LRP12: variants seen among roughly 807,000 people sequenced by gnomAD.
LRP12 encodes low-density lipoprotein receptor-related protein 12.
Under a neutral mutation model 66.0 loss-of-function variants are expected in LRP12, and 14 were observed. That is an observed-to-expected ratio of 0.21 (90% confidence interval 0.14 to 0.33). The LOEUF is 0.33. Among genes scored for constraint, LRP12 ranks in the 10% least tolerant of loss-of-function variants. The probability of loss-of-function intolerance (pLI) is 1.00; values close to 1 mark genes in which losing one functional copy is unlikely to be tolerated. For synonymous variants in LRP12, 357 were observed against 359.1 expected, an observed-to-expected ratio of 0.99 and a Z score of 0.07; for missense variants, 889 against 1,053.4, an observed-to-expected ratio of 0.84 and a Z score of 2.16.
intron 1 of LRP12, among the ~76,000 whole-genome samples, chr8:104,581,132 A>G (rs1013837935): frequency 6.6e-6 from 1 of 152,242 alleles, no homozygotes; most frequent in Non-Finnish European, 1.5e-5. Context: ...TGTCCTTTAC[A>G]GGAACTTGGA....
chr8:104,565,027 A>G (rs1053697057), intron 1 of LRP12, among the ~76,000 whole-genome samples: 2 of 152,140 alleles, frequency 1.3e-5, no homozygotes, highest in Admixed American at 6.5e-5. Flanking sequence ...TAAAAAGATA[A>G]GGATATTAAA....
At chr8:104,500,091 A>C (rs1810802241) in intron 3 of LRP12, among the ~76,000 whole-genome samples, 1 of 152,240 alleles carries the variant, frequency 6.6e-6, no homozygotes, top group African/African-American at 2.4e-5. Context: ...ATCACTTTAT[A>C]GCCAAATACT....
At chr8:104,550,883 G>T (rs564962106) in intron 1 of LRP12, among the ~76,000 whole-genome samples, 7 of 152,154 alleles carry the variant, frequency 4.6e-5, no homozygotes, top group Non-Finnish European at 8.8e-5. Context: ...GATCCTTTTT[G>T]CACTATTCTC....
chr8:104,494,428 A>C (rs1238585737), intron 6 of LRP12, among the ~76,000 whole-genome samples: 1 of 152,198 alleles, frequency 6.6e-6, no homozygotes, highest in Non-Finnish European at 1.5e-5. Flanking sequence ...AACAATGTTT[A>C]CCAGTTTTAA....
In LRP12 at chr8:104,548,344, TAA is replaced by T. The variant is rs1239732605; in HGVS notation, c.80-16383_80-16382del. Among the ~76,000 whole-genome samples the T allele has an allele frequency of 3.5e-4, 13 of 36,696 alleles. 2 individuals carry two copies. Among genetic ancestry groups the T allele is most frequent in the African/African-American group, 2.0e-3 (13 of 6,506 alleles). 24.1% of individuals were successfully genotyped at this position (36,696 alleles called of 152,430 possible). On this transcript the variant is annotated intron_variant, in intron 1 of 6. Transcript: ENST00000276654. Reference sequence around the variant, plus strand: ...ATATAATATATATTATATAAATATATAAATATATAATATATATTATATAAATA... The same window carrying T: ...ATATAATATATATTATATAAATATATATATATAATATATATTATATAAATA...
At chr8:104,501,820 G>A (rs939310006) in intron 3 of LRP12, among the ~76,000 whole-genome samples, 2 of 152,012 alleles carry the variant, frequency 1.3e-5, no homozygotes, top group East Asian at 1.9e-4. Flanking sequence ...ATAAGCAGAA[G>A]TTTTAAATTT....
rs749701853 is a variant in LRP12 at position 104,490,984 on chromosome 8, A to C, written c.2269T>G (p.Leu757Val). The C allele has an allele frequency of 1.9e-6, 3 of 1,613,996 alleles. No individual in the cohort carries two copies. In the East Asian group the frequency reaches 6.7e-5, roughly 36 times the overall value. The change falls in exon 7 of 7, where the codon TTG (leucine) becomes GTG (valine). Residue 757 changes from leucine to valine, a missense_variant. Physicochemically the swap from Leu to Val is conservative, Grantham distance 32 (BLOSUM62 1). Coordinates refer to ENST00000276654, the MANE Select transcript of LRP12 (RefSeq NM_013437.5). ...CTTACCCCATTATCAAGTTGTCTCA[A>C]AGGACTCTGGTTCTGACTTAGGGAA... is the stretch of plus-strand genomic sequence containing the variant. ...SSSLSQNQSP[L>V]RQLDNGVSGR...
intron 2 of LRP12, among the ~76,000 whole-genome samples, chr8:104,526,763 T>C (rs1389916877): frequency 5.4e-5 from 8 of 148,018 alleles, no homozygotes; most frequent in South Asian, 2.1e-4. Flanking sequence ...ATTCAGGACA[T>C]AGGCATGGGC....
chr8:104,516,958 A>G (rs899617571), intron 2 of LRP12, among the ~76,000 whole-genome samples: 30 of 152,008 alleles, frequency 2.0e-4, no homozygotes, highest in African/African-American at 7.0e-4. Flanking sequence ...CATGACAAAA[A>G]GTAGTTGAGA....
At chr8:104,547,704 A>G (rs1363867201) in intron 1 of LRP12, among the ~76,000 whole-genome samples, 1 of 126,682 alleles carries the variant, frequency 7.9e-6, no homozygotes, top group Admixed American at 8.8e-5. Flanking sequence ...CATATATTAT[A>G]TATAATTCTA....
At chr8:104,496,656 T>C (rs1301653993) in intron 5 of LRP12, among the ~76,000 whole-genome samples, 1 of 152,198 alleles carries the variant, frequency 6.6e-6, no homozygotes, top group African/African-American at 2.4e-5. Flanking sequence ...ATTTTTGAAT[T>C]TGTATTTAGA....
chr8:104,574,311 T>C (rs969125487), intron 1 of LRP12, among the ~76,000 whole-genome samples: 7 of 152,236 alleles, frequency 4.6e-5, no homozygotes, highest in Admixed American at 2.0e-4. Flanking sequence ...TAAAAACATA[T>C]ATAGCTCCTA....
chr8:104,557,659 T>C (rs987019992), intron 1 of LRP12, among the ~76,000 whole-genome samples: 1 of 152,154 alleles, frequency 6.6e-6, no homozygotes, highest in African/African-American at 2.4e-5. Context: ...TGCTCATGGA[T>C]AGGTATAATC....
At chr8:104,553,308 C>T (rs906544764) in intron 1 of LRP12, among the ~76,000 whole-genome samples, 2 of 152,268 alleles carry the variant, frequency 1.3e-5, no homozygotes, top group African/African-American at 4.8e-5. Flanking sequence ...ACCTGAAAGC[C>T]CTGCTTGCTT....
intron 1 of LRP12, among the ~76,000 whole-genome samples, chr8:104,555,513 T>G (rs1415339376): frequency 1.3e-5 from 2 of 151,740 alleles, no homozygotes; most frequent in Admixed American, 6.6e-5. Flanking sequence ...TCAGACAACA[T>G]AAACTTGAAA....
intron 2 of LRP12, among the ~76,000 whole-genome samples, chr8:104,514,631 C>T (rs1811051799): frequency 6.6e-6 from 1 of 151,012 alleles, no homozygotes; most frequent in Non-Finnish European, 1.5e-5. Context: ...GAGCTGAGAT[C>T]GTGCCACTGA....
intron 1 of LRP12, among the ~76,000 whole-genome samples, chr8:104,565,597 C>T (rs548893832): frequency 1.2e-4 from 18 of 152,162 alleles, no homozygotes; most frequent in Admixed American, 2.0e-4. Flanking sequence ...CGGTGGCTCA[C>T]GCCTGTAATC....
Position 104,546,440 on chromosome 8 carries a change from C to T in LRP12, c.80-14477G>A, listed in dbSNP as rs1033391792. 1.8e-4 allele frequency among the ~76,000 whole-genome samples: 28 copies of T among 152,292 alleles called. 1 individual carries two copies. The highest frequency in any genetic ancestry group is 2.6e-4 in the Non-Finnish European group (18 of 68,028). On this transcript the variant is annotated intron_variant, in intron 1 of 6. Transcript: ENST00000276654. ...CCTTTAAAGCTGGACAACCACTAATCACAGTCAACATTTAATAAACATTAC... is the reference window on the plus strand; with the variant it reads ...CCTTTAAAGCTGGACAACCACTAATTACAGTCAACATTTAATAAACATTAC...
intron 1 of LRP12, among the ~76,000 whole-genome samples, chr8:104,549,994 T>C (rs1040701044): frequency 2.2e-4 from 33 of 152,170 alleles, no homozygotes; most frequent in Non-Finnish European, 3.4e-4. Context: ...TCAGCATACA[T>C]GTTCAAAGGT....
Sources: allele counts gnomAD v4.1 joint callset (sites outside exome capture counted in the v4.1 genomes callset), GRCh38; gene constraint gnomAD v4.1.1; transcripts MANE v1.5; gene names NCBI Gene and HGNC (gene_info 2026-07-23, HGNC 2026-07-21).